The following CHST12 variants were observed in gnomAD, a reference collection of about 807,000 sequenced individuals.
CHST12 encodes carbohydrate sulfotransferase 12, also known as carbohydrate (chondroitin 4) sulfotransferase 12.
In CHST12, 23 loss-of-function variants were observed where a neutral mutation model predicts 27.9. The ratio of observed to expected loss-of-function variants is 0.82; its 90% confidence interval spans 0.59 to 1.17. CHST12 has a LOEUF of 1.17. Ranked by LOEUF, CHST12 falls within the 50% of genes most tolerant of loss-of-function variation. The pLI is 0.00. For synonymous variants in CHST12, 322 were observed against 273.0 expected (o/e 1.18, Z -1.77); for missense variants, 682 against 603.0 (o/e 1.13, Z -1.37).
At chr7:2,406,201 C>T (rs1337850129) in intron 1 of CHST12, among the ~76,000 whole-genome samples, 1 of 152,120 alleles carries the variant, frequency 6.6e-6, no homozygotes, top group Non-Finnish European at 1.5e-5. Context: ...GGGTCTGTGG[C>T]TGCAGGCGGG....
rs1362586821 is a variant in CHST12, at chr7:2,433,441, C to T, written c.802C>T (p.Arg268Cys). 9.3e-6 allele frequency: 15 copies of T among 1,609,814 alleles called. No homozygotes were observed. The highest frequency in any genetic ancestry group is 1.2e-5 in the Non-Finnish European group (14 of 1,179,914). ...CGAGCTGGAGAACGAGGAGTTCTACCGCAAGTTCGCCGTGCCCATGCTGCG... is the reference window on the plus strand; with the variant it reads ...CGAGCTGGAGAACGAGGAGTTCTACTGCAAGTTCGCCGTGCCCATGCTGCG... ...KFELENEEFY[R>C]KFAVPMLRLY... Residue 268 changes from arginine to cysteine, a missense_variant, in exon 2 of 2, where the codon CGC (arginine) becomes TGC (cysteine). By Grantham distance (180) the Arg-to-Cys change is radical. Transcript: ENST00000618655. The surrounding 1 kb of genome is among the most constrained non-coding windows in gnomAD (Gnocchi z 6.1).
In CHST12 at chr7:2,445,408, C is replaced by G. The variant is rs936181574; in HGVS notation, c.*11524C>G. On this transcript the variant is annotated 3_prime_UTR_variant, in exon 2 of 2. Transcript: ENST00000618655. Reference sequence around the variant, plus strand: ...GCATTCGAGAAAAGGGTGCTTGTCTCTTGGTGAGAGGGCCACGGTTCCTTC... The same window carrying G: ...GCATTCGAGAAAAGGGTGCTTGTCTGTTGGTGAGAGGGCCACGGTTCCTTC... 5 of 152,256 alleles carry G rather than the reference C, an allele frequency of 3.3e-5. No homozygotes were observed. The East Asian group carries it at 7.7e-4, about 23-fold the overall frequency. 9.4% of individuals were successfully genotyped at this position (152,256 alleles called of 1,614,324 possible).
chr7:2,407,728 G>A (rs766710225), intron 1 of CHST12, among the ~76,000 whole-genome samples: 3 of 151,498 alleles, frequency 2.0e-5, no homozygotes, highest in Non-Finnish European at 4.4e-5. Flanking sequence ...TCAGGAGTTC[G>A]AGACCAGCCT....
rs1174041381 is a variant in CHST12 at position 2,433,965 on chromosome 7, A to C, written c.*81A>C. On this transcript the variant is annotated 3_prime_UTR_variant, in exon 2 of 2. Transcript: ENST00000618655. This position sits in a 1 kb window ranked among gnomAD's most constrained non-coding sequence, Gnocchi z 6.1. ...GTTTTTTTATGACCTACGATTTTGC[A>C]ATCTGGGCTTCTTGTTCACTCCACT... 66 of 1,244,506 alleles carry C rather than the reference A, an allele frequency of 5.3e-5. No homozygotes were observed. The highest frequency in any genetic ancestry group is 6.7e-5 in the Non-Finnish European group (60 of 888,962). 77.1% of individuals were successfully genotyped at this position (1,244,506 alleles called of 1,614,324 possible).
rs1782455436 is a variant in CHST12, at chr7:2,435,678, T to G, written c.*1794T>G. 1 of 152,410 alleles carries G rather than the reference T, an allele frequency of 6.6e-6. No homozygotes were observed. The highest frequency in any genetic ancestry group is 1.5e-5 in the Non-Finnish European group (1 of 68,152). The allele number at this position is 152,410 out of a possible 1,614,324, so 9.4% of individuals were successfully genotyped here. A position where few individuals can be genotyped will look rare whatever the true frequency, so the allele number is the denominator to read the frequency against. On this transcript the variant is annotated 3_prime_UTR_variant, in exon 2 of 2. Transcript: ENST00000618655. ...AGTTGGGACATACCCTGGTGTCCTC[T>G]GTGTGTGGTGTCCCTGTGTTTCCCA... is the stretch of plus-strand genomic sequence containing the variant.
Position 2,433,227 on chromosome 7 carries a change from C to G in CHST12, c.588C>G (p.Tyr196Ter). 1.2e-6 allele frequency: 2 copies of G among 1,612,162 alleles called. No homozygotes were observed. Among genetic ancestry groups the G allele is most frequent in the East Asian group, 2.2e-5 (1 of 44,828 alleles). ...SGSLLHRGAP[Y>*]RDPLRIPREH... ...GCCTGCTGCACCGCGGTGCGCCCTACCGCGACCCGCTGCGCATCCCGCGCG... is the reference window on the plus strand; with the variant it reads ...GCCTGCTGCACCGCGGTGCGCCCTAGCGCGACCCGCTGCGCATCCCGCGCG... The change falls in exon 2 of 2, where the codon TAC becomes TAG. Residue 196 changes from tyrosine to a stop codon, truncating the protein, a stop_gained. Transcript: ENST00000618655. LOFTEE classifies it high-confidence loss of function. This position sits in a 1 kb window ranked among gnomAD's most constrained non-coding sequence, Gnocchi z 6.1.
chr7:2,408,103 C>G (rs1781567842), intron 1 of CHST12, among the ~76,000 whole-genome samples: 1 of 151,982 alleles, frequency 6.6e-6, no homozygotes, highest in South Asian at 2.1e-4. Flanking sequence ...GGCGCTGTGG[C>G]TCACGCCTGT....
In CHST12 at chr7:2,440,558, G is replaced by C. The variant is rs1331427899; in HGVS notation, c.*6674G>C. On this transcript the variant is annotated 3_prime_UTR_variant, in exon 2 of 2. Transcript: ENST00000618655. ...CCCAGATGAGGCTCGGTTGTGAGTA[G>C]GAGCGGGGTGGGCCACCGAAGAGAA... 1 of 152,400 alleles carries C rather than the reference G, an allele frequency of 6.6e-6. No homozygotes were observed. The highest frequency in any genetic ancestry group is 2.4e-5 in the African/African-American group (1 of 41,454). 9.4% of individuals were successfully genotyped at this position (152,400 alleles called of 1,614,324 possible).
chr7:2,424,756 G>A (rs1318314437), intron 1 of CHST12, among the ~76,000 whole-genome samples: 2 of 152,196 alleles, frequency 1.3e-5, no homozygotes, highest in African/African-American at 4.8e-5. Flanking sequence ...CCCTTCAGGA[G>A]TTTGAGGCAC....
At chr7:2,409,773 TG>T (rs1203714815) in intron 1 of CHST12, among the ~76,000 whole-genome samples, 4 of 152,174 alleles carry the variant, frequency 2.6e-5, no homozygotes, top group Non-Finnish European at 5.9e-5. Flanking sequence ...TTGACCCAAA[TG>T]GGAACAGTCT....
chr7:2,410,075 C>T (rs1781625762), intron 1 of CHST12, among the ~76,000 whole-genome samples: 1 of 152,170 alleles, frequency 6.6e-6, no homozygotes, highest in African/African-American at 2.4e-5. Flanking sequence ...AGCCGCCACG[C>T]CCGGCCGAGC....
rs1425985771 is a variant in CHST12 at position 2,444,999 on chromosome 7, A to G, written c.*11115A>G. The G allele has an allele frequency of 1.3e-5, 2 of 152,196 alleles. No individual in the cohort carries two copies. Among genetic ancestry groups the G allele is most frequent in the Middle Eastern group, 3.2e-3 (1 of 316 alleles). The allele number at this position is 152,196 out of a possible 1,614,324, so 9.4% of individuals were successfully genotyped here. On this transcript the variant is annotated 3_prime_UTR_variant, in exon 2 of 2. Transcript: ENST00000618655. ...TTCTCTTCCAACGTGTCTTCCTTCCAGTAGGTTTCCAGAATATTTTGGTTT... is the reference window on the plus strand; with the variant it reads ...TTCTCTTCCAACGTGTCTTCCTTCCGGTAGGTTTCCAGAATATTTTGGTTT...
At chr7:2,412,064 C>T (rs1781682028) in intron 1 of CHST12, among the ~76,000 whole-genome samples, 1 of 152,170 alleles carries the variant, frequency 6.6e-6, no homozygotes, top group African/African-American at 2.4e-5. Context: ...ACCGGCTCTG[C>T]AGGGAAGTTA....
Position 2,435,222 on chromosome 7 carries a change from G to A in CHST12, c.*1338G>A, listed in dbSNP as rs967961115. The A allele has an allele frequency of 6.6e-6, 1 of 152,258 alleles. No individual in the cohort carries two copies. The highest frequency in any genetic ancestry group is 1.5e-5 in the Non-Finnish European group (1 of 68,080). The allele number at this position is 152,258 out of a possible 1,614,324, so 9.4% of individuals were successfully genotyped here. Reference sequence around the variant, plus strand: ...CAAAGTGAGACTCTGTTTCTAAATAGACAGATAGAAGATAGGTAGATAGAT... The same window carrying A: ...CAAAGTGAGACTCTGTTTCTAAATAAACAGATAGAAGATAGGTAGATAGAT... On this transcript the variant is annotated 3_prime_UTR_variant, in exon 2 of 2. Transcript: ENST00000618655.
intron 1 of CHST12, among the ~76,000 whole-genome samples, chr7:2,424,928 G>A (rs538156847): frequency 6.6e-6 from 1 of 152,152 alleles, no homozygotes; most frequent in East Asian, 1.9e-4. Context: ...GCTCCAGGCC[G>A]GGCGTGGTGG....
intron 1 of CHST12, among the ~76,000 whole-genome samples, chr7:2,421,335 T>C (rs1213026712): frequency 6.7e-6 from 1 of 148,188 alleles, no homozygotes; most frequent in South Asian, 2.2e-4. Flanking sequence ...AGCCTCAAAC[T>C]CTTGGGCTCA....
In CHST12 at chr7:2,436,788, C is replaced by T. The variant is rs994844240; in HGVS notation, c.*2904C>T. The T allele has an allele frequency of 6.6e-6, 1 of 152,258 alleles. No homozygotes were observed. The highest frequency in any genetic ancestry group is 2.4e-5 in the African/African-American group (1 of 41,444). The allele number at this position is 152,258 out of a possible 1,614,324, so 9.4% of individuals were successfully genotyped here. A position where few individuals can be genotyped will look rare whatever the true frequency, so the allele number is the denominator to read the frequency against. ...TTCTTGGTATGGTTCCTCTGAGGTTCGGTTTTCCTGAGCACCTGGGGTGTT... is the reference window on the plus strand; with the variant it reads ...TTCTTGGTATGGTTCCTCTGAGGTTTGGTTTTCCTGAGCACCTGGGGTGTT... On this transcript the variant is annotated 3_prime_UTR_variant, in exon 2 of 2. Coordinates refer to ENST00000618655, the MANE Select transcript of CHST12 (RefSeq NM_018641.5).
At chr7:2,418,796 T>C (rs1353213044) in intron 1 of CHST12, among the ~76,000 whole-genome samples, 2 of 93,700 alleles carry the variant, frequency 2.1e-5, no homozygotes, top group Non-Finnish European at 4.3e-5. Context: ...CTGTTGCTGT[T>C]GTTGTTGTTT....
At position 2,432,914 on chromosome 7, in the gene CHST12, C is replaced by T. The variant is rs766587075; in HGVS notation, c.275C>T (p.Pro92Leu). The T allele has an allele frequency of 2.8e-5, 45 of 1,613,018 alleles. No individual in the cohort carries two copies. Among genetic ancestry groups the T allele is most frequent in the African/African-American group, 6.7e-5 (5 of 74,920 alleles). Residue 92 changes from proline (P) to leucine (L), a missense_variant, in exon 2 of 2, where the codon CCT (proline) becomes CTT (leucine). By Grantham distance (98) the Pro-to-Leu change is moderately conservative. Coordinates refer to ENST00000618655, the MANE Select transcript of CHST12 (RefSeq NM_018641.5). ...CCCAGAAAGGAGACGGAGCAGCCGCCTGCGCCGGGGAGCATGGAGGAGAGC... is the reference window on the plus strand; with the variant it reads ...CCCAGAAAGGAGACGGAGCAGCCGCTTGCGCCGGGGAGCATGGAGGAGAGC... ...DLPRKETEQP[P>L]APGSMEESVR...
Sources: allele counts gnomAD v4.1 joint callset (sites outside exome capture counted in the v4.1 genomes callset), GRCh38; gene constraint gnomAD v4.1.1; non-coding constraint Gnocchi (gnomAD v3.1); transcripts MANE v1.5; gene names NCBI Gene and HGNC (gene_info 2026-07-23, HGNC 2026-07-21).